THSD7A: variants seen among roughly 807,000 people sequenced by gnomAD.
THSD7A encodes the protein thrombospondin type-1 domain-containing protein 7A.
In THSD7A, 96 loss-of-function variants were observed where a neutral mutation model predicts 231.3. The observed-to-expected ratio is 0.41, with a 90% CI of 0.35 to 0.49. THSD7A has a LOEUF of 0.49. Among genes scored for constraint, THSD7A ranks in the 20% least tolerant of loss-of-function variants. The pLI, the probability that THSD7A is intolerant of heterozygous loss-of-function variation, is 0.05. For missense variants in THSD7A, 2,290 were observed against 2,070.2 expected, an observed-to-expected ratio of 1.11 and a Z score of -2.06; for synonymous variants, 940 against 743.3, an observed-to-expected ratio of 1.26 and a Z score of -4.30.
At chr7:11,793,452 A>C (rs1424437677) in intron 1 of THSD7A, among the ~76,000 whole-genome samples, 2 of 151,904 alleles carry the variant, frequency 1.3e-5, no homozygotes, top group Admixed American at 1.3e-4. Context: ...CTTAAAAATA[A>C]ATAAGCAAAA....
intron 1 of THSD7A, among the ~76,000 whole-genome samples, chr7:11,704,668 AAC>A (rs1780707738): frequency 2.0e-5 from 3 of 151,004 alleles, no homozygotes; most frequent in Non-Finnish European, 4.5e-5. Context: ...TGAAGTTCGT[AAC>A]CTGAGGCTAA....
At chr7:11,378,596 T>G (rs769092819) in intron 26 of THSD7A, 4 of 160,436 alleles carry the variant, frequency 2.5e-5, no homozygotes, top group Non-Finnish European at 5.5e-5. Context: ...TTAGGGCTAA[T>G]AGAAACTGGT....
intron 14 of THSD7A, 22 bp from the exon 15 acceptor site, chr7:11,426,693 A>G (rs1784331244): frequency 1.3e-6 from 2 of 1,558,914 alleles, no homozygotes; most frequent in Non-Finnish European, 1.7e-6. Context: ...TTCAACAGGA[A>G]TGATGAAAAG....
intron 11 of THSD7A, among the ~76,000 whole-genome samples, chr7:11,457,815 C>T (rs1280367550): frequency 6.6e-6 from 1 of 152,022 alleles, no homozygotes; most frequent in Non-Finnish European, 1.5e-5. Flanking sequence ...ATCTTGTATT[C>T]TTTTATCCTC....
At chr7:11,396,314 A>G (rs1280040350) in intron 23 of THSD7A, among the ~76,000 whole-genome samples, 2 of 152,152 alleles carry the variant, frequency 1.3e-5, no homozygotes, top group Admixed American at 1.3e-4. Flanking sequence ...TGATAGAGAC[A>G]TGAAACACCC....
chr7:11,372,890 T>TATA lies in THSD7A; in HGVS notation c.*2901_*2903dup, dbSNP rs1450319228. 1 of 152,006 alleles carries TATA rather than the reference T, an allele frequency of 6.6e-6. No homozygotes were observed. The highest frequency in any genetic ancestry group is 2.4e-5 in the African/African-American group (1 of 41,412). 9.4% of individuals were successfully genotyped at this position (152,006 alleles called of 1,614,324 possible). On this transcript the variant is annotated 3_prime_UTR_variant, in exon 28 of 28. Coordinates refer to ENST00000423059, the MANE Select transcript of THSD7A (RefSeq NM_015204.3). ...GCCATTTTCATGTTATAAACATGAATATAATAACCTTCCCTTTGTCCAAAA... is the reference window on the plus strand; with the variant it reads ...GCCATTTTCATGTTATAAACATGAATATAATAATAACCTTCCCTTTGTCCAAAA...
At chr7:11,821,020 G>A (rs1784858556) in intron 1 of THSD7A, 1 of 995,446 alleles carries the variant, frequency 1.0e-6, no homozygotes, top group Non-Finnish European at 1.6e-6. Context: ...TTGTAGCCAG[G>A]TTTTCTGGGA....
chr7:11,523,147 T>C (rs536071804), intron 6 of THSD7A, among the ~76,000 whole-genome samples: 9 of 152,240 alleles, frequency 5.9e-5, no homozygotes, highest in African/African-American at 1.9e-4. Context: ...CTTTTGTACT[T>C]TGGTGAATAA....
chr7:11,559,150 A>G (rs1428511436), intron 4 of THSD7A, among the ~76,000 whole-genome samples: 1 of 152,054 alleles, frequency 6.6e-6, no homozygotes, highest in Non-Finnish European at 1.5e-5. Flanking sequence ...ACTCGAAGGA[A>G]CTGAATTCTG....
intron 1 of THSD7A, among the ~76,000 whole-genome samples, chr7:11,702,488 T>C (rs1296543843): frequency 6.6e-6 from 1 of 151,270 alleles, no homozygotes; most frequent in Non-Finnish European, 1.5e-5. Context: ...AAATTTCTGA[T>C]ATCCTTTTCT....
intron 6 of THSD7A, among the ~76,000 whole-genome samples, chr7:11,490,580 A>C (rs1197421130): frequency 6.6e-6 from 1 of 152,088 alleles, no homozygotes; most frequent in Non-Finnish European, 1.5e-5. Context: ...TATGGGTATA[A>C]TCAAATGCAC....
chr7:11,602,420 A>G (rs955929878), intron 2 of THSD7A, among the ~76,000 whole-genome samples: 5 of 152,162 alleles, frequency 3.3e-5, no homozygotes, highest in African/African-American at 1.2e-4. Context: ...TACAAAGATA[A>G]GATTACAGCA....
At chr7:11,376,491 A>T in intron 27 of THSD7A, 79 bp downstream of exon 27, 1 of 1,083,768 alleles carries the variant, frequency 9.2e-7, no homozygotes, top group Non-Finnish European at 1.3e-6. Flanking sequence ...AATGTAGAGT[A>T]CTTATTTGAG....
rs1347060356 is a variant in THSD7A, at chr7:11,521,584, G to A, written c.1822+19835C>T. 3.5e-5 allele frequency among the ~76,000 whole-genome samples: 5 copies of A among 142,450 alleles called. 1 individual carries two copies. Among genetic ancestry groups the A allele is most frequent in the African/African-American group, 1.4e-4 (5 of 36,318 alleles). 93.5% of individuals were successfully genotyped at this position (142,450 alleles called of 152,430 possible). On this transcript the variant is annotated intron_variant, in intron 6 of 27. Transcript: ENST00000423059. ...TATACATGTGCCATGCTGGTGCGCTGCACCCACTAACGTGTCAGTTACATA... is the reference window on the plus strand; with the variant it reads ...TATACATGTGCCATGCTGGTGCGCTACACCCACTAACGTGTCAGTTACATA...
At chr7:11,476,915 A>C (rs1317615261) in intron 7 of THSD7A, among the ~76,000 whole-genome samples, 1 of 152,176 alleles carries the variant, frequency 6.6e-6, no homozygotes, top group African/African-American at 2.4e-5. Context: ...GTGAAATTAA[A>C]AGTATGATAT....
intron 6 of THSD7A, among the ~76,000 whole-genome samples, chr7:11,540,469 C>A (rs1438208713): frequency 6.6e-6 from 1 of 152,276 alleles, no homozygotes; most frequent in African/African-American, 2.4e-5. Flanking sequence ...TGTTCCAGTA[C>A]CCCCAAGGGG....
chr7:11,546,230 A>ACACACACG (rs1477394829), intron 4 of THSD7A, among the ~76,000 whole-genome samples: 2 of 151,164 alleles, frequency 1.3e-5, no homozygotes, highest in Non-Finnish European at 2.9e-5. Context: ...ACACACACAC[A>ACACACACG]CGTGGACCCT....
At position 11,460,705 on chromosome 7, in the gene THSD7A, G is replaced by A. The variant is rs756326320; in HGVS notation, c.2562C>T (p.Ser854=). ...QLVPWSVQQD[S]PGAQEGCGPG... ...GCCCACAGCCTTCCTGTGCTCCAGG[G>A]CTGTCTTGTTGCACGCTCCAAGGGA... The change falls in exon 11 of 28, where the codon AGC becomes AGT. Residue 854 remains serine (S), a synonymous_variant. Coordinates refer to ENST00000423059, the MANE Select transcript of THSD7A (RefSeq NM_015204.3). The A allele has an allele frequency of 3.7e-6, 6 of 1,612,206 alleles. No homozygotes were observed. The highest frequency in any genetic ancestry group is 3.3e-5 in the South Asian group (3 of 90,606).
At chr7:11,655,331 G>A (rs1431052858) in intron 1 of THSD7A, among the ~76,000 whole-genome samples, 1 of 151,802 alleles carries the variant, frequency 6.6e-6, no homozygotes, top group African/African-American at 2.4e-5. Flanking sequence ...TTTTCAGGCT[G>A]GAACACTTCT....
Sources: allele counts gnomAD v4.1 joint callset (sites outside exome capture counted in the v4.1 genomes callset), GRCh38; gene constraint gnomAD v4.1.1; transcripts MANE v1.5; gene names NCBI Gene and HGNC (gene_info 2026-07-23, HGNC 2026-07-21).